The following RTRAF variants were observed in gnomAD, a reference collection of about 807,000 sequenced individuals.
The protein encoded by RTRAF is RNA transcription, translation and transport factor, also known as tRNA-splicing ligase complex subunit RTRAF.
A neutral mutation model predicts 34.4 loss-of-function variants in RTRAF; 14 were observed. The observed-to-expected ratio is 0.41, with a 90% confidence interval of 0.27 to 0.64. RTRAF has a LOEUF of 0.64. Among genes scored for constraint, RTRAF ranks in the 30% least tolerant of loss-of-function variants. RTRAF has a pLI of 0.34. For missense variants in RTRAF, 291 were observed against 288.4 expected, an observed-to-expected ratio of 1.01 and a Z score of -0.06; for synonymous variants, 96 against 95.3, an observed-to-expected ratio of 1.01 and a Z score of -0.04.
intron 1 of RTRAF, among the ~76,000 whole-genome samples, chr14:51,990,603 T>G (rs940951060): frequency 6.6e-6 from 1 of 152,224 alleles, no homozygotes; most frequent in Admixed American, 6.5e-5. Flanking sequence ...ATTGTTTTTC[T>G]ACTTTAACAA....
At position 52,007,798 on chromosome 14, in the gene RTRAF, C is replaced by CAGTAGG; in HGVS notation, c.*3287_*3288insGAGTAG. On this transcript the variant is annotated 3_prime_UTR_variant, in exon 8 of 8. Coordinates refer to ENST00000261700, the MANE Select transcript of RTRAF (RefSeq NM_016039.3). ...GAGAGGTTATCTATTTGCATTCCAT[C>CAGTAGG]AGTAGTATTACCTGCATCTGCCCAG... 1 of 1,610,026 alleles carries CAGTAGG rather than the reference C, an allele frequency of 6.2e-7. No individual in the cohort carries two copies.
rs1890681955 is a variant in RTRAF at position 52,004,607 on chromosome 14, G to A, written c.*91G>A. ...TGGAAATCAAAATGTCACATTCTCG[G>A]GGGAGGAAGCCCAGAAAATTGGGTA... On this transcript the variant is annotated 3_prime_UTR_variant, in exon 8 of 8. Transcript: ENST00000261700. 7.6e-7 allele frequency: 1 copy of A among 1,315,582 alleles called. No individual in the cohort carries two copies. The highest frequency in any genetic ancestry group is 2.6e-5 in the Admixed American group (1 of 38,890). The allele number at this position is 1,315,582 out of a possible 1,614,324, so 81.5% of individuals were successfully genotyped here. A position where few individuals can be genotyped will look rare whatever the true frequency, so the allele number is the denominator to read the frequency against.
intron 3 of RTRAF, among the ~76,000 whole-genome samples, chr14:51,994,850 A>G (rs1385044401): frequency 6.6e-6 from 1 of 152,190 alleles, no homozygotes; most frequent in East Asian, 1.9e-4. Context: ...AATTAGAATA[A>G]TAGTGCTTCC....
Position 52,004,588 on chromosome 14 carries a change from T to TCAAAATGTCACATTC in RTRAF, c.*73_*87dup. 7.0e-7 allele frequency: 1 copy of TCAAAATGTCACATTC among 1,422,858 alleles called. No homozygotes were observed. Among genetic ancestry groups the TCAAAATGTCACATTC allele is most frequent in the Non-Finnish European group, 9.4e-7 (1 of 1,059,616 alleles). 88.1% of individuals were successfully genotyped at this position (1,422,858 alleles called of 1,614,324 possible). ...CATACACTTCTGGCATGTTTGGAAA[T>TCAAAATGTCACATTC]CAAAATGTCACATTCTCGGGGGAGG... On this transcript the variant is annotated 3_prime_UTR_variant, in exon 8 of 8. Transcript: ENST00000261700.
In RTRAF at chr14:52,007,935, G is replaced by C. The variant is rs1241082439; in HGVS notation, c.*3419G>C. On this transcript the variant is annotated 3_prime_UTR_variant, in exon 8 of 8. Coordinates refer to ENST00000261700, the MANE Select transcript of RTRAF (RefSeq NM_016039.3). ...TAAAGATGACGTTTCAATTTTAGGAGCTTCTCTATTCCAGTCTGTCCAGTA... is the reference window on the plus strand; with the variant it reads ...TAAAGATGACGTTTCAATTTTAGGACCTTCTCTATTCCAGTCTGTCCAGTA... 1 of 1,613,436 alleles carries C rather than the reference G, an allele frequency of 6.2e-7. No individual in the cohort carries two copies. Among genetic ancestry groups the C allele is most frequent in the Non-Finnish European group, 8.5e-7 (1 of 1,179,804 alleles).
intron 6 of RTRAF, chr14:52,003,934 G>A (rs1180917995): frequency 2.4e-5 from 11 of 463,246 alleles, no homozygotes; most frequent in Middle Eastern, 5.7e-4. Context: ...TGTTTTGTAT[G>A]CCTGGGCTAA....
Position 52,007,806 on chromosome 14 carries a change from T to G in RTRAF, c.*3290T>G, listed in dbSNP as rs755495961. On this transcript the variant is annotated 3_prime_UTR_variant, in exon 8 of 8. Transcript: ENST00000261700. ...ATCTATTTGCATTCCATCAGTAGTA[T>G]TACCTGCATCTGCCCAGCAGAGCAG... The G allele has an allele frequency of 1.1e-5, 17 of 1,612,672 alleles. No individual in the cohort carries two copies. Among genetic ancestry groups the G allele is most frequent in the Middle Eastern group, 1.6e-4 (1 of 6,078 alleles).
chr14:52,005,737 C>G lies in RTRAF; in HGVS notation c.*1221C>G. 1 of 1,609,146 alleles carries G rather than the reference C, an allele frequency of 6.2e-7. No homozygotes were observed. Among genetic ancestry groups the G allele is most frequent in the Non-Finnish European group, 8.5e-7 (1 of 1,175,492 alleles). ...GAGCATCCTAAAGCATACTTTTTACCTGTTGGGCAGTAGGGGTAGACTGCA... is the reference window on the plus strand; with the variant it reads ...GAGCATCCTAAAGCATACTTTTTACGTGTTGGGCAGTAGGGGTAGACTGCA... On this transcript the variant is annotated 3_prime_UTR_variant, in exon 8 of 8. Transcript: ENST00000261700.
At chr14:51,989,748 G>T in intron 1 of RTRAF, 48 bp downstream of exon 1, 3 of 1,549,942 alleles carry the variant, frequency 1.9e-6, no homozygotes, top group Non-Finnish European at 2.6e-6. Flanking sequence ...CCTGGGCGGA[G>T]GTCCCAGCCT....
In RTRAF at chr14:52,008,143, G is replaced by GTGAT. The variant is rs1890866734; in HGVS notation, c.*3628_*3631dup. On this transcript the variant is annotated 3_prime_UTR_variant, in exon 8 of 8. Transcript: ENST00000261700. ...TTCTAGTGCATAGAGTATAGCAGAA[G>GTGAT]TGATAGGCTATCACTGCCGATATTC... is the stretch of plus-strand genomic sequence containing the variant. The GTGAT allele has an allele frequency of 1.9e-6, 1 of 523,152 alleles. No individual in the cohort carries two copies. 32.4% of individuals were successfully genotyped at this position (523,152 alleles called of 1,614,324 possible). A position where few individuals can be genotyped will look rare whatever the true frequency, so the allele number is the denominator to read the frequency against.
chr14:52,003,428 C>G (rs537601187), intron 6 of RTRAF, among the ~76,000 whole-genome samples: 1 of 152,098 alleles, frequency 6.6e-6, no homozygotes, highest in Non-Finnish European at 1.5e-5. Context: ...ATTTACATTA[C>G]TAGATAAGGC....
intron 3 of RTRAF, chr14:51,997,776 A>T (rs1321418475): frequency 9.5e-6 from 1 of 105,788 alleles, no homozygotes; most frequent in East Asian, 4.1e-4. Flanking sequence ...ATTCAAAAGA[A>T]GATGGGGGGA....
chr14:52,004,483 GACAGACC>G lies in RTRAF; in HGVS notation c.709_715del (p.His237TrpfsTer48). 1 of 1,613,704 alleles carries G rather than the reference GACAGACC, an allele frequency of 6.2e-7. No individual in the cohort carries two copies. The highest frequency in any genetic ancestry group is 8.5e-7 in the Non-Finnish European group (1 of 1,179,846). On this transcript the variant is annotated frameshift_variant, in exon 8 of 8. Coordinates refer to ENST00000261700, the MANE Select transcript of RTRAF (RefSeq NM_016039.3). LOFTEE classifies it high-confidence loss of function. ...TTCAGGCAATTATTGCTGATCCAAA[GACAGACC>G]ACAGACTGGGAAAAGTTGGAAGATG...
rs553655223 is a variant in RTRAF at position 52,010,298 on chromosome 14, G to C, written c.*5782G>C. On this transcript the variant is annotated 3_prime_UTR_variant, in exon 8 of 8. Coordinates refer to ENST00000261700, the MANE Select transcript of RTRAF (RefSeq NM_016039.3). ...CTTAAACATGGCAAGAGTTTCTCAA[G>C]ATATAAAAATTCTCCCTGATTGTAA... The C allele has an allele frequency of 6.6e-6, 1 of 152,372 alleles. No individual in the cohort carries two copies. The highest frequency in any genetic ancestry group is 2.4e-5 in the African/African-American group (1 of 41,592). 9.4% of individuals were successfully genotyped at this position (152,372 alleles called of 1,614,324 possible).
At chr14:52,001,529 AGTT>A (rs1159899692) in intron 5 of RTRAF, among the ~76,000 whole-genome samples, 22 of 152,194 alleles carry the variant, frequency 1.4e-4, no homozygotes, top group African/African-American at 5.1e-4. Flanking sequence ...CTGTATTTAA[AGTT>A]GTTTTTTACC....
intron 5 of RTRAF, among the ~76,000 whole-genome samples, chr14:52,000,651 T>C (rs936893690): frequency 5.9e-5 from 9 of 152,226 alleles, no homozygotes; most frequent in African/African-American, 2.2e-4. Flanking sequence ...TCCTAAGTTA[T>C]TAAAATTTTC....
intron 6 of RTRAF, among the ~76,000 whole-genome samples, chr14:52,003,201 A>C (rs1270948689): frequency 6.6e-6 from 1 of 152,172 alleles, no homozygotes; most frequent in Non-Finnish European, 1.5e-5. Flanking sequence ...ACTTATAAGC[A>C]TTTATAACTA....
chr14:52,005,353 A>C lies in RTRAF; in HGVS notation c.*837A>C, dbSNP rs1890725782. On this transcript the variant is annotated 3_prime_UTR_variant, in exon 8 of 8. Transcript: ENST00000261700. The stretch of plus-strand genomic sequence containing the variant: ...TTTCACAAAAGTCTTTTTGCACTAC[A>C]AAATGTTCATCTTGGATGCTCAGGA... 1.0e-5 allele frequency: 8 copies of C among 795,396 alleles called. No individual in the cohort carries two copies. Among genetic ancestry groups the C allele is most frequent in the Non-Finnish European group, 1.5e-5 (8 of 541,992 alleles). 49.3% of individuals were successfully genotyped at this position (795,396 alleles called of 1,614,324 possible). A position where few individuals can be genotyped will look rare whatever the true frequency, so the allele number is the denominator to read the frequency against.
rs543846843 is a variant in RTRAF at position 52,008,849 on chromosome 14, C to T, written c.*4333C>T. On this transcript the variant is annotated 3_prime_UTR_variant, in exon 8 of 8. Transcript: ENST00000261700. ...TACAATTTGGTACTTGAAGGGGTAC[C>T]TGGCACCCAGGGATGGAAACATTTT... 1 of 152,320 alleles carries T rather than the reference C, an allele frequency of 6.6e-6. No homozygotes were observed. The highest frequency in any genetic ancestry group is 1.9e-4 in the East Asian group (1 of 5,188). The allele number at this position is 152,320 out of a possible 1,614,324, so 9.4% of individuals were successfully genotyped here. A position where few individuals can be genotyped will look rare whatever the true frequency, so the allele number is the denominator to read the frequency against.
Sources: allele counts gnomAD v4.1 joint callset (sites outside exome capture counted in the v4.1 genomes callset), GRCh38; gene constraint gnomAD v4.1.1; transcripts MANE v1.5; gene names NCBI Gene and HGNC (gene_info 2026-07-23, HGNC 2026-07-21).